Variants in EPB41L4A observed in about 807,000 individuals in gnomAD.
EPB41L4A encodes the protein erythrocyte membrane protein band 4.1 like 4A, also known as band 4.1-like protein 4A.
A neutral mutation model predicts 108.6 loss-of-function variants in EPB41L4A; 100 were observed. The ratio of observed to expected loss-of-function variants is 0.92; its 90% confidence interval spans 0.78 to 1.09. The LOEUF is 1.09. EPB41L4A is among the 50% of genes least tolerant of loss of function. The probability of loss-of-function intolerance (pLI) is 0.00; values close to 1 mark genes in which losing one functional copy is unlikely to be tolerated. For synonymous variants in EPB41L4A, 319 were observed against 289.0 expected (o/e 1.10, Z -1.05); for missense variants, 1,030 against 842.7 (o/e 1.22, Z -2.75).
intron 1 of EPB41L4A, among the ~76,000 whole-genome samples, chr5:112,368,426 T>C (rs532107589): frequency 2.9e-4 from 44 of 152,258 alleles, no homozygotes; most frequent in African/African-American, 1.0e-3. Flanking sequence ...TGCCCTTTCA[T>C]ACTAGACAAT....
chr5:112,263,012 C>A (rs1751600322), intron 6 of EPB41L4A, among the ~76,000 whole-genome samples: 1 of 152,178 alleles, frequency 6.6e-6, no homozygotes, highest in Admixed American at 6.5e-5. Flanking sequence ...GCTGCCACCA[C>A]CCAACTGGGA....
intron 1 of EPB41L4A, among the ~76,000 whole-genome samples, chr5:112,418,222 G>A (rs1334864548): frequency 1.3e-5 from 2 of 152,212 alleles, no homozygotes; most frequent in Non-Finnish European, 2.9e-5. Context: ...GCGTCGGTCA[G>A]GTTGTCACTA....
chr5:112,260,061 T>A, intron 7 of EPB41L4A, 82 bp from the exon 8 acceptor site: 1 of 1,010,002 alleles, frequency 9.9e-7, no homozygotes, highest in Non-Finnish European at 1.5e-6. Flanking sequence ...ACAAATATAA[T>A]TTGTTACATT....
At chr5:112,377,933 T>C (rs374149062) in intron 1 of EPB41L4A, among the ~76,000 whole-genome samples, 14 of 152,154 alleles carry the variant, frequency 9.2e-5, no homozygotes, top group African/African-American at 3.1e-4. Context: ...GATACTACTC[T>C]ACAGCATATC....
rs1159082867 is a variant in EPB41L4A, at chr5:112,239,563, GA to G, written c.965+96del. On this transcript the variant is annotated intron_variant, in intron 11 of 22. Coordinates refer to ENST00000261486, the MANE Select transcript of EPB41L4A (RefSeq NM_022140.5). Reference sequence around the variant, plus strand: ...AACACATTGGCAATGCAAGAAAAAAGAAAAAAATAAATAAATAACTTCACTG... The same window carrying G: ...AACACATTGGCAATGCAAGAAAAAAGAAAAAATAAATAAATAACTTCACTG... 12 of 730,450 alleles carry G rather than the reference GA, an allele frequency of 1.6e-5. No homozygotes were observed. The South Asian group carries it at 2.2e-4, about 14-fold the overall frequency. The allele number at this position is 730,450 out of a possible 1,614,324, so 45.2% of individuals were successfully genotyped here. A position where few individuals can be genotyped will look rare whatever the true frequency, so the allele number is the denominator to read the frequency against.
intron 3 of EPB41L4A, among the ~76,000 whole-genome samples, chr5:112,278,692 AATT>A (rs980452030): frequency 3.3e-5 from 5 of 152,146 alleles, no homozygotes; most frequent in African/African-American, 7.2e-5. Context: ...ACCTTAAAAT[AATT>A]AACATTTTTT....
At chr5:112,191,096 G>GA (rs1317942688) in intron 17 of EPB41L4A, among the ~76,000 whole-genome samples, 1 of 152,108 alleles carries the variant, frequency 6.6e-6, no homozygotes, top group Non-Finnish European at 1.5e-5. Flanking sequence ...AAAAGAGAGT[G>GA]AAAAATTATC....
chr5:112,275,522 CA>C, intron 3 of EPB41L4A, 118 bp from the exon 4 acceptor site: 1 of 1,239,098 alleles, frequency 8.1e-7, no homozygotes, highest in Admixed American at 3.3e-5. Context: ...AACAAGAAAA[CA>C]TAAGATAAAA....
intron 1 of EPB41L4A, among the ~76,000 whole-genome samples, chr5:112,340,108 C>T (rs1561586352): frequency 6.6e-6 from 1 of 152,132 alleles, no homozygotes; most frequent in South Asian, 2.1e-4. Flanking sequence ...GAGAGCCCAT[C>T]GACCCCGCCC....
chr5:112,245,710 C>T (rs115820375), intron 9 of EPB41L4A, among the ~76,000 whole-genome samples: 1 of 152,146 alleles, frequency 6.6e-6, no homozygotes, highest in Admixed American at 6.5e-5. Context: ...CCAAAGGATG[C>T]AGGTCAGAGA....
intron 11 of EPB41L4A, among the ~76,000 whole-genome samples, chr5:112,238,861 ATTC>A (rs1749558675): frequency 6.6e-6 from 1 of 152,238 alleles, no homozygotes; most frequent in African/African-American, 2.4e-5. Flanking sequence ...AACAAGACAA[ATTC>A]TTTTTCAAAA....
intron 15 of EPB41L4A, among the ~76,000 whole-genome samples, chr5:112,200,198 T>C (rs1762154300): frequency 6.6e-6 from 1 of 152,228 alleles, no homozygotes; most frequent in African/African-American, 2.4e-5. Flanking sequence ...TTGCACATGC[T>C]AGCCCCTCTA....
chr5:112,216,803 T>G (rs373453091), intron 12 of EPB41L4A, among the ~76,000 whole-genome samples: 35 of 152,320 alleles, frequency 2.3e-4, no homozygotes, highest in African/African-American at 7.9e-4. Flanking sequence ...ATTTCTCACA[T>G]TGACAGCTCA....
chr5:112,253,294 G>C (rs1310982860), intron 9 of EPB41L4A, among the ~76,000 whole-genome samples: 3 of 152,162 alleles, frequency 2.0e-5, no homozygotes, highest in Non-Finnish European at 4.4e-5. Flanking sequence ...CTATGCAGCT[G>C]TACAGCTAGG....
intron 12 of EPB41L4A, among the ~76,000 whole-genome samples, chr5:112,229,844 C>T (rs995618502): frequency 6.6e-6 from 1 of 151,918 alleles, no homozygotes; most frequent in Non-Finnish European, 1.5e-5. Context: ...AAAAGTTAGC[C>T]AGGCATGGTG....
At chr5:112,199,452 T>C (rs920647997) in intron 15 of EPB41L4A, among the ~76,000 whole-genome samples, 1 of 152,208 alleles carries the variant, frequency 6.6e-6, no homozygotes, top group Admixed American at 6.5e-5. Context: ...ATGCTGGAGC[T>C]TCTTACAACT....
chr5:112,164,833 A>G lies in EPB41L4A; in HGVS notation c.*157T>C. 9.5e-6 allele frequency: 3 copies of G among 316,364 alleles called. No individual in the cohort carries two copies. The highest frequency in any genetic ancestry group is 1.3e-5 in the Non-Finnish European group (3 of 223,460). The allele number at this position is 316,364 out of a possible 1,614,324, so 19.6% of individuals were successfully genotyped here. On this transcript the variant is annotated 3_prime_UTR_variant, in exon 23 of 23. Transcript: ENST00000261486. Reference sequence around the variant, plus strand: ...TGGGCGACAGAGTGATAACATCTCAAAAAAAAAAAAAAAAAGAAGCAAAAG... The same window carrying G: ...TGGGCGACAGAGTGATAACATCTCAGAAAAAAAAAAAAAAAGAAGCAAAAG...
intron 11 of EPB41L4A, among the ~76,000 whole-genome samples, chr5:112,236,286 G>T (rs1476958517): frequency 1.3e-5 from 2 of 152,188 alleles, no homozygotes; most frequent in Non-Finnish European, 2.9e-5. Flanking sequence ...CCCAGCACTA[G>T]AACAAGCTTT....
chr5:112,159,297 G>T (rs941964657), downstream of EPB41L4A, among the ~76,000 whole-genome samples: 1 of 152,022 alleles, frequency 6.6e-6, no homozygotes, highest in African/African-American at 2.4e-5. Flanking sequence ...ATAGAAGTAG[G>T]CTTCAAAGAA....
Sources: allele counts gnomAD v4.1 joint callset (sites outside exome capture counted in the v4.1 genomes callset), GRCh38; gene constraint gnomAD v4.1.1; transcripts MANE v1.5; gene names NCBI Gene and HGNC (gene_info 2026-07-23, HGNC 2026-07-21).